MYO10: variants seen among roughly 807,000 people sequenced by gnomAD.
MYO10 encodes the protein myosin X.
MYO10 carries 133 observed loss-of-function variants against 257.3 expected under a neutral mutation model. The observed-to-expected ratio is 0.52, with a 90% confidence interval of 0.45 to 0.60. MYO10 has a LOEUF of 0.60. Among genes scored for constraint, MYO10 ranks in the 20% least tolerant of loss-of-function variants. The pLI is 0.00. For synonymous variants in MYO10, 1,104 were observed against 1,028.6 expected, an observed-to-expected ratio of 1.07 and a Z score of -1.40; for missense variants, 2,399 against 2,635.7, an observed-to-expected ratio of 0.91 and a Z score of 1.97.
chr5:16,719,785 G>A (rs1739064896), intron 19 of MYO10, among the ~76,000 whole-genome samples: 1 of 152,120 alleles, frequency 6.6e-6, no homozygotes, highest in African/African-American at 2.4e-5. Flanking sequence ...CCAACATGGA[G>A]AAACCCCATC....
At chr5:16,742,013 C>T (rs1226350345) in intron 19 of MYO10, 20 of 985,152 alleles carry the variant, frequency 2.0e-5, no homozygotes, top group African/African-American at 3.5e-5. Context: ...GCGAGGCTGA[C>T]GTGATAGGAA....
At chr5:16,792,590 C>CG (rs55727978) in intron 4 of MYO10, among the ~76,000 whole-genome samples, 1 of 114,620 alleles carries the variant, frequency 8.7e-6, no homozygotes, top group Non-Finnish European at 1.7e-5. Flanking sequence ...GAGCGGGGGG[C>CG]GGGGGGCTGC....
intron 2 of MYO10, among the ~76,000 whole-genome samples, chr5:16,856,542 T>C (rs1743964638): frequency 6.6e-6 from 1 of 151,106 alleles, no homozygotes. Flanking sequence ...AGAGTGAGAC[T>C]GTGTCTCAAA....
At chr5:16,801,448 C>G (rs969190068) in intron 3 of MYO10, among the ~76,000 whole-genome samples, 1 of 152,018 alleles carries the variant, frequency 6.6e-6, no homozygotes, top group African/African-American at 2.4e-5. Flanking sequence ...CTGGCTTCAT[C>G]TGGCCTGCTT....
chr5:16,903,753 C>T (rs1745448102), intron 1 of MYO10, among the ~76,000 whole-genome samples: 1 of 152,088 alleles, frequency 6.6e-6, no homozygotes, highest in African/African-American at 2.4e-5. Flanking sequence ...AGAGAAAAAC[C>T]TTGTAAATAA....
intron 1 of MYO10, among the ~76,000 whole-genome samples, chr5:16,922,262 A>G (rs1035459782): frequency 4.0e-5 from 6 of 151,870 alleles, no homozygotes; most frequent in Non-Finnish European, 7.4e-5. Flanking sequence ...ATCTGAAAAA[A>G]GGGCACATGG....
At chr5:16,833,908 T>C (rs1198061913) in intron 2 of MYO10, among the ~76,000 whole-genome samples, 2 of 152,210 alleles carry the variant, frequency 1.3e-5, no homozygotes, top group Non-Finnish European at 2.9e-5. Flanking sequence ...CATATTACTG[T>C]TATCAGTGAT....
intron 19 of MYO10, chr5:16,742,216 A>G: frequency 1.0e-6 from 1 of 985,436 alleles, no homozygotes; most frequent in Non-Finnish European, 1.2e-6. Flanking sequence ...GAACAAGAAC[A>G]GCACTCTTTG....
At chr5:16,829,639 G>C (rs577058937) in intron 2 of MYO10, among the ~76,000 whole-genome samples, 1 of 152,274 alleles carries the variant, frequency 6.6e-6, no homozygotes, top group African/African-American at 2.4e-5. Context: ...CAGCGCCGCA[G>C]GGCTGCAGGC....
Position 16,694,728 on chromosome 5 carries a change from C to G in MYO10, c.3557-114G>C, listed in dbSNP as rs564234330. On this transcript the variant is annotated intron_variant, in intron 26 of 40. Coordinates refer to ENST00000513610, the MANE Select transcript of MYO10 (RefSeq NM_012334.3). Reference sequence around the variant, plus strand: ...AGCCGAGCTTAGACTCTGCCCCAGCCGCAGCACCGCAGAGACCCCTCAGTG... The same window carrying G: ...AGCCGAGCTTAGACTCTGCCCCAGCGGCAGCACCGCAGAGACCCCTCAGTG... The G allele has an allele frequency of 4.5e-6, 6 of 1,345,550 alleles. No homozygotes were observed. In the African/African-American group the frequency reaches 7.2e-5, roughly 16 times the overall value. 83.4% of individuals were successfully genotyped at this position (1,345,550 alleles called of 1,614,324 possible).
chr5:16,916,169 A>C (rs1405242775), intron 1 of MYO10: 3 of 455,730 alleles, frequency 6.6e-6, no homozygotes, highest in African/African-American at 2.0e-5. Context: ...ATCTCCAGAG[A>C]CCTTCGTTCC....
intron 21 of MYO10, among the ~76,000 whole-genome samples, chr5:16,709,612 G>A (rs756507202): frequency 2.0e-5 from 3 of 152,066 alleles, no homozygotes; most frequent in Non-Finnish European, 4.4e-5. Context: ...ATGACCAAGT[G>A]AGCCTGGAAG....
At chr5:16,837,873 C>G (rs908014106) in intron 2 of MYO10, among the ~76,000 whole-genome samples, 3 of 151,910 alleles carry the variant, frequency 2.0e-5, no homozygotes, top group African/African-American at 7.3e-5. Context: ...GTGCTCACTT[C>G]ACATCCGTGT....
intron 18 of MYO10, 41 bp downstream of exon 18, chr5:16,758,077 C>G: frequency 7.1e-7 from 1 of 1,407,488 alleles, no homozygotes; most frequent in Non-Finnish European, 1.0e-6. Context: ...CTTAAAAATA[C>G]AGTAACGACG....
Position 16,715,629 on chromosome 5 carries a change from G to A in MYO10, c.1930-4384C>T, listed in dbSNP as rs151207844. On this transcript the variant is annotated intron_variant, in intron 19 of 40. Transcript: ENST00000513610. ...GGTTTCTTTTTGAGGTGACGAAAAT[G>A]TTCTAAAATTGACTCTGGTGACGGC... Among the ~76,000 whole-genome samples the A allele has an allele frequency of 1.2e-4, 18 of 151,562 alleles. 1 individual carries two copies. The highest frequency in any genetic ancestry group is 4.4e-4 in the African/African-American group (18 of 41,304).
At chr5:16,671,281 AAG>A in intron 38 of MYO10, 139 bp downstream of exon 38, 2 of 1,086,666 alleles carry the variant, frequency 1.8e-6, no homozygotes, top group Non-Finnish European at 2.6e-6. Flanking sequence ...AAACGAATGA[AAG>A]AGCAGCTGGT....
chr5:16,759,024 C>T (rs1247120950), intron 17 of MYO10, among the ~76,000 whole-genome samples: 1 of 151,876 alleles, frequency 6.6e-6, no homozygotes, highest in African/African-American at 2.4e-5. Context: ...CGGGTTCAAG[C>T]GATTCTCCTG....
At chr5:16,894,453 T>TG (rs1456765784) in intron 1 of MYO10, among the ~76,000 whole-genome samples, 2 of 152,102 alleles carry the variant, frequency 1.3e-5, no homozygotes, top group Admixed American at 1.3e-4. Context: ...CATGTGGCCT[T>TG]GGACAAATGA....
intron 9 of MYO10, among the ~76,000 whole-genome samples, chr5:16,778,438 G>A (rs553564837): frequency 6.6e-6 from 1 of 152,240 alleles, no homozygotes; most frequent in East Asian, 1.9e-4. Context: ...TGGGGTCCCT[G>A]GAGAATCTCC....
Sources: gnomAD v4.1 joint callset for allele counts (sites outside exome capture counted in the v4.1 genomes callset) on GRCh38, gnomAD v4.1.1 for gene constraint, MANE v1.5 for transcripts, NCBI Gene and HGNC (gene_info 2026-07-23, HGNC 2026-07-21) for gene names.